FNDC3B: variants seen among roughly 807,000 people sequenced by gnomAD.
The protein encoded by FNDC3B is fibronectin type III domain containing 3B.
Under a neutral mutation model 151.5 loss-of-function variants are expected in FNDC3B, and 12 were observed. That is an observed-to-expected ratio of 0.08 (90% CI 0.05 to 0.13). The LOEUF (loss-of-function observed/expected upper bound fraction) is 0.13. Among genes scored for constraint, FNDC3B ranks in the 10% least tolerant of loss-of-function variants. The pLI is 1.00. For missense variants in FNDC3B, 1,214 were observed against 1,505.3 expected, an observed-to-expected ratio of 0.81 and a Z score of 3.20; for synonymous variants, 528 against 549.0, an observed-to-expected ratio of 0.96 and a Z score of 0.54.
chr3:172,249,231 T>C (rs1385529060), intron 5 of FNDC3B, among the ~76,000 whole-genome samples: 1 of 152,190 alleles, frequency 6.6e-6, no homozygotes, highest in Non-Finnish European at 1.5e-5. Flanking sequence ...CATTGCTTGC[T>C]GGTATATGTC....
intron 3 of FNDC3B, among the ~76,000 whole-genome samples, chr3:172,183,530 G>C (rs1724021945): frequency 6.6e-6 from 1 of 152,180 alleles, no homozygotes; most frequent in African/African-American, 2.4e-5. Flanking sequence ...TGGTCTTACT[G>C]CTGGTTTGCT....
At chr3:172,115,143 C>T (rs907693309) in intron 2 of FNDC3B, among the ~76,000 whole-genome samples, 3 of 152,196 alleles carry the variant, frequency 2.0e-5, no homozygotes, top group African/African-American at 7.2e-5. Context: ...CTTCCTCATT[C>T]TGCTCCCAGA....
intron 6 of FNDC3B, among the ~76,000 whole-genome samples, chr3:172,277,772 C>G (rs765193651): frequency 1.3e-5 from 2 of 152,170 alleles, no homozygotes; most frequent in South Asian, 2.1e-4. Flanking sequence ...GCAGCTGCCC[C>G]CCTCAGATAG....
At chr3:172,045,766 GTCTCTCTCTC>G (rs67916203) in intron 1 of FNDC3B, among the ~76,000 whole-genome samples, 5,750 of 147,260 alleles carry the variant, frequency 0.039, 230 homozygotes, top group African/African-American at 0.09. Flanking sequence ...TTTACTGAGT[GTCTCTCTCTC>G]TCTCTCTCTC....
At chr3:172,317,151 C>A (rs1305138407) in intron 11 of FNDC3B, 3 of 447,188 alleles carry the variant, frequency 6.7e-6, no homozygotes, top group African/African-American at 6.1e-5. Context: ...CACCTCTCAA[C>A]ATGTTGCATT....
intron 3 of FNDC3B, among the ~76,000 whole-genome samples, chr3:172,152,623 G>A (rs948360985): frequency 1.4e-5 from 2 of 147,936 alleles, no homozygotes; most frequent in Non-Finnish European, 3.0e-5. Flanking sequence ...TGGAGAGAAG[G>A]TTTTGACATT....
intron 15 of FNDC3B, among the ~76,000 whole-genome samples, chr3:172,336,424 G>A (rs553507915): frequency 8.5e-5 from 13 of 152,256 alleles, no homozygotes; most frequent in Admixed American, 1.3e-4. Context: ...TCCTCAGACT[G>A]TCTGCTGGTG....
intron 3 of FNDC3B, among the ~76,000 whole-genome samples, chr3:172,157,682 A>G (rs769328787): frequency 6.6e-5 from 10 of 152,184 alleles, no homozygotes; most frequent in Non-Finnish European, 1.5e-4. Context: ...TTCTCAGCCT[A>G]ATTTCTTTGA....
intron 24 of FNDC3B, among the ~76,000 whole-genome samples, chr3:172,380,411 G>A (rs1735376403): frequency 6.6e-6 from 1 of 152,072 alleles, no homozygotes; most frequent in Non-Finnish European, 1.5e-5. Context: ...TTTCAATGCT[G>A]CCCATTCCCC....
chr3:172,209,971 C>T (rs929168456), intron 3 of FNDC3B, among the ~76,000 whole-genome samples: 6 of 152,264 alleles, frequency 3.9e-5, no homozygotes, highest in African/African-American at 1.4e-4. Context: ...CAACAGTGCC[C>T]AGGCTCAGCC....
intron 6 of FNDC3B, among the ~76,000 whole-genome samples, chr3:172,283,276 A>AT (rs755942344): frequency 3.3e-5 from 5 of 151,052 alleles, no homozygotes; most frequent in Non-Finnish European, 7.4e-5. Flanking sequence ...CTCTTTCTCT[A>AT]TTTTTTCTTT....
intron 3 of FNDC3B, among the ~76,000 whole-genome samples, chr3:172,194,838 C>G (rs1265693484): frequency 6.6e-6 from 1 of 152,128 alleles, no homozygotes; most frequent in African/African-American, 2.4e-5. Flanking sequence ...TAACCTAATT[C>G]TAATACCATG....
At chr3:172,241,696 C>G (rs1235727959) in intron 4 of FNDC3B, among the ~76,000 whole-genome samples, 1 of 152,106 alleles carries the variant, frequency 6.6e-6, no homozygotes, top group Non-Finnish European at 1.5e-5. Flanking sequence ...CCACTCAGTC[C>G]CTCCCACAAC....
chr3:172,203,847 A>G (rs1049368827), intron 3 of FNDC3B, among the ~76,000 whole-genome samples: 1 of 152,164 alleles, frequency 6.6e-6, no homozygotes, highest in Non-Finnish European at 1.5e-5. Flanking sequence ...AGACTTTTAC[A>G]AATGATTTTT....
chr3:172,040,893 G>A lies in FNDC3B; in HGVS notation c.-29+1122G>A, dbSNP rs575780247. Among the ~76,000 whole-genome samples, 1 of 152,288 alleles carries A rather than the reference G, an allele frequency of 6.6e-6. No individual in the cohort carries two copies. The highest frequency in any genetic ancestry group is 2.4e-5 in the African/African-American group (1 of 41,586). ...CTCGGGAGACTGGGCTGCGCCGCCC[G>A]GCGGCGCCTTTGGCGGGGAGGCTTC... On this transcript the variant is annotated intron_variant, in intron 1 of 25. Transcript: ENST00000415807. This position sits in a 1 kb window ranked among gnomAD's most constrained non-coding sequence, Gnocchi z 6.6.
At chr3:172,287,650 C>T (rs1313639194) in intron 7 of FNDC3B, among the ~76,000 whole-genome samples, 4 of 152,150 alleles carry the variant, frequency 2.6e-5, no homozygotes, top group Non-Finnish European at 5.9e-5. Context: ...ACTCCATAGT[C>T]GCTTCTTAAT....
intron 21 of FNDC3B, among the ~76,000 whole-genome samples, chr3:172,351,086 C>T (rs1358296288): frequency 1.3e-5 from 2 of 152,130 alleles, no homozygotes; most frequent in African/African-American, 2.4e-5. Context: ...CAACTTTGCC[C>T]TTATGTAACT....
In FNDC3B at chr3:172,373,461, G is replaced by A. The variant is rs149078715; in HGVS notation, c.3009-4809G>A. ...GGACTAGGAAAGCTCGACAAATGCTGTTCTCCTCTTCATGGCAAAGCCTTG... is the reference window on the plus strand; with the variant it reads ...GGACTAGGAAAGCTCGACAAATGCTATTCTCCTCTTCATGGCAAAGCCTTG... On this transcript the variant is annotated intron_variant, in intron 23 of 25. Transcript: ENST00000415807. Among the ~76,000 whole-genome samples, 67 of 152,294 alleles carry A rather than the reference G, an allele frequency of 4.4e-4. 1 individual carries two copies. Among genetic ancestry groups the A allele is most frequent in the African/African-American group, 1.5e-3 (63 of 41,560 alleles).
chr3:172,334,999 C>A lies in FNDC3B; in HGVS notation c.1697C>A (p.Thr566Lys), dbSNP rs770426040. The A allele has an allele frequency of 1.9e-6, 3 of 1,613,538 alleles. No individual in the cohort carries two copies. The highest frequency in any genetic ancestry group is 2.5e-6 in the Non-Finnish European group (3 of 1,179,802). Residue 566 changes from threonine (T) to lysine (K), a missense_variant, in exon 15 of 26, where the codon ACG becomes AAG. This residue lies in a region of FNDC3B where 380 missense variants were observed against 420.9 expected (regional missense o/e 0.90). Coordinates refer to ENST00000415807, the MANE Select transcript of FNDC3B (RefSeq NM_022763.4). ...TGTCCAAGCGAAGTTCTTGTTTGTA[C>A]GACGAGTCCTGACAGGCCTGGACCT... ...KSCPSEVLVCTTSPDRPGPPT... is the reference protein window; with the variant it reads ...KSCPSEVLVCKTSPDRPGPPT...
Sources: allele counts gnomAD v4.1 joint callset (sites outside exome capture counted in the v4.1 genomes callset), GRCh38; gene constraint gnomAD v4.1.1; regional missense constraint gnomAD v4.1.1; non-coding constraint Gnocchi (gnomAD v3.1); transcripts MANE v1.5; gene names NCBI Gene and HGNC (gene_info 2026-07-23, HGNC 2026-07-21).